Variants in PCDHGA11 observed in about 807,000 individuals in gnomAD.
PCDHGA11 encodes the protein protocadherin gamma subfamily A, 11, also known as protocadherin gamma-A11.
In PCDHGA11, 39 loss-of-function variants were observed where a neutral mutation model predicts 60.4. The ratio of observed to expected loss-of-function variants is 0.65; its 90% confidence interval spans 0.50 to 0.84. The LOEUF (loss-of-function observed/expected upper bound fraction) is 0.84, where lower values mean the gene tolerates loss of function less well. Among genes scored for constraint, PCDHGA11 ranks in the 40% least tolerant of loss-of-function variants. The probability of loss-of-function intolerance (pLI) is 0.00; values close to 1 mark genes in which losing one functional copy is unlikely to be tolerated. For synonymous variants in PCDHGA11, 533 were observed against 510.3 expected (o/e 1.04, Z -0.60); for missense variants, 1,165 against 1,197.7 (o/e 0.97, Z 0.40).
chr5:141,431,776 C>T lies in PCDHGA11; in HGVS notation c.2433+8116C>T. 6.2e-7 allele frequency: 1 copy of T among 1,614,228 alleles called. No individual in the cohort carries two copies. The stretch of plus-strand genomic sequence containing the variant: ...CCAAAGTCCTGATCACTGTTCTGGA[C>T]GTGAACGACAATGCCCCAGAAGTGG... On this transcript the variant is annotated intron_variant, in intron 1 of 3. Coordinates refer to ENST00000398587, the MANE Select transcript of PCDHGA11 (RefSeq NM_018914.3). The surrounding 1 kb of genome is among the most constrained non-coding windows in gnomAD (Gnocchi z 4.8).
At position 141,423,119 on chromosome 5, in the gene PCDHGA11, G is replaced by A. The variant is rs769320490; in HGVS notation, c.1892G>A (p.Arg631Gln). ...CACACGGGCGAGGTGCGTACAGCGCGGGCACTGCTGGACAGAGACGCGCTC... is the reference window on the plus strand; with the variant it reads ...CACACGGGCGAGGTGCGTACAGCGCAGGCACTGCTGGACAGAGACGCGCTC... ...GEHTGEVRTARALLDRDALKQ... is the reference protein window; with the variant it reads ...GEHTGEVRTAQALLDRDALKQ... The change falls in exon 1 of 4, where the codon CGG becomes CAG. Residue 631 changes from arginine (R) to glutamine (Q), a missense_variant. Transcript: ENST00000398587. 1 of 1,613,774 alleles carries A rather than the reference G, an allele frequency of 6.2e-7. No homozygotes were observed. Among genetic ancestry groups the A allele is most frequent in the South Asian group, 1.1e-5 (1 of 91,058 alleles).
At chr5:141,469,249 C>T (rs1025813940) in intron 1 of PCDHGA11, among the ~76,000 whole-genome samples, 1 of 152,026 alleles carries the variant, frequency 6.6e-6, no homozygotes, top group Non-Finnish European at 1.5e-5. Flanking sequence ...TGCACTCCAG[C>T]TTGGGCAACA....
Position 141,491,382 on chromosome 5 carries a change from G to T in PCDHGA11, c.2434-3425G>T, listed in dbSNP as rs918558. 0.21 allele frequency: 331,798 copies of T among 1,613,774 alleles called. 36,318 individuals are homozygous for T. The highest frequency in any genetic ancestry group is 0.37 in the Admixed American group (22,359 of 60,012). ...TAGTCACCTTCACCTTTCTGTCAGC[G>T]AAGTGCCTTCAGGGAAACGCAGACG... is the stretch of plus-strand genomic sequence containing the variant. On this transcript the variant is annotated intron_variant, in intron 1 of 3. Transcript: ENST00000398587. This position sits in a 1 kb window ranked among gnomAD's most constrained non-coding sequence, Gnocchi z 6.9.
chr5:141,488,450 C>T (rs2154581002), intron 1 of PCDHGA11, among the ~76,000 whole-genome samples: 1 of 152,314 alleles, frequency 6.6e-6, no homozygotes, highest in East Asian at 1.9e-4. Context: ...TCCTGGGTGA[C>T]CTGATTCAGC....
chr5:141,473,798 T>C lies in PCDHGA11; in HGVS notation c.2434-21009T>C, dbSNP rs1202883137. 2.6e-5 allele frequency among the ~76,000 whole-genome samples: 4 copies of C among 152,350 alleles called. 1 individual carries two copies. The highest frequency in any genetic ancestry group is 6.8e-3 in the Middle Eastern group (2 of 294). On this transcript the variant is annotated intron_variant, in intron 1 of 3. Transcript: ENST00000398587. ...TTTTAATTCAAGAGCAGTATGATGCTACTGAGGAGCAGCTGGACAATTGTG... is the reference window on the plus strand; with the variant it reads ...TTTTAATTCAAGAGCAGTATGATGCCACTGAGGAGCAGCTGGACAATTGTG...
At chr5:141,488,834 G>A (rs976460724) in intron 1 of PCDHGA11, among the ~76,000 whole-genome samples, 1 of 152,160 alleles carries the variant, frequency 6.6e-6, no homozygotes, top group Admixed American at 6.5e-5. Context: ...GCTGCCAAGG[G>A]GGCTGAATCA....
intron 1 of PCDHGA11, chr5:141,441,726 C>A: frequency 2.8e-6 from 1 of 353,524 alleles, no homozygotes; most frequent in Non-Finnish European, 5.6e-6. Flanking sequence ...GGCCCGCGAC[C>A]AGGACTAGCT....
chr5:141,426,589 T>G (rs2096945227), intron 1 of PCDHGA11: 1 of 369,180 alleles, frequency 2.7e-6, no homozygotes, highest in South Asian at 2.0e-5. Context: ...ATCCTCTGTG[T>G]CATACCCTTA....
rs2099624335 is a variant in PCDHGA11 at position 141,486,093 on chromosome 5, C to T, written c.2434-8714C>T. On this transcript the variant is annotated intron_variant, in intron 1 of 3. Coordinates refer to ENST00000398587, the MANE Select transcript of PCDHGA11 (RefSeq NM_018914.3). This position sits in a 1 kb window ranked among gnomAD's most constrained non-coding sequence, Gnocchi z 5.0. ...ACTGGAAAGCTTACTCTTTTGGGGC[C>T]CCTAGACTTTGAGAGTGAGAATTAC... 1 of 1,614,112 alleles carries T rather than the reference C, an allele frequency of 6.2e-7. No homozygotes were observed. The highest frequency in any genetic ancestry group is 8.5e-7 in the Non-Finnish European group (1 of 1,180,008).
In PCDHGA11 at chr5:141,510,932, CCT is replaced by C. The variant is rs753455267; in HGVS notation, c.2582-12_2582-11del. 6 of 1,613,998 alleles carry C rather than the reference CCT, an allele frequency of 3.7e-6. No homozygotes were observed. The highest frequency in any genetic ancestry group is 1.1e-5 in the South Asian group (1 of 91,082). ...CTAAGTTTAGCTCCCACCTGATCTTCCTCTGTCTCTGCAGAAGCTGCTGATGG... is the reference window on the plus strand; with the variant it reads ...CTAAGTTTAGCTCCCACCTGATCTTCCTGTCTCTGCAGAAGCTGCTGATGG... On this transcript the variant is annotated splice_polypyrimidine_tract_variant and intron_variant, in intron 3 of 3. Coordinates refer to ENST00000398587, the MANE Select transcript of PCDHGA11 (RefSeq NM_018914.3).
intron 1 of PCDHGA11, among the ~76,000 whole-genome samples, chr5:141,472,346 C>G (rs1393301393): frequency 6.6e-6 from 1 of 151,722 alleles, no homozygotes; most frequent in Non-Finnish European, 1.5e-5. Flanking sequence ...TCGAGACCAT[C>G]CTGGCTAACA....
At chr5:141,497,478 C>A (rs974494984) in intron 2 of PCDHGA11, among the ~76,000 whole-genome samples, 1 of 150,954 alleles carries the variant, frequency 6.6e-6, no homozygotes, top group African/African-American at 2.4e-5. Flanking sequence ...GGAGAAGGTG[C>A]GGAACCTCTC....
At position 141,489,852 on chromosome 5, in the gene PCDHGA11, C is replaced by G. The variant is rs1197191101; in HGVS notation, c.2434-4955C>G. ...TAGAGCAGCAGCTGGATCGTGAAGC[C>G]CAGGCAAGACATCAGCTGGTGCTTA... On this transcript the variant is annotated intron_variant, in intron 1 of 3. Transcript: ENST00000398587. This position sits in a 1 kb window ranked among gnomAD's most constrained non-coding sequence, Gnocchi z 4.5. The G allele has an allele frequency of 6.2e-7, 1 of 1,614,034 alleles. No homozygotes were observed. Among genetic ancestry groups the G allele is most frequent in the Admixed American group, 1.7e-5 (1 of 60,004 alleles).
chr5:141,438,659 T>C (rs1290256383), intron 1 of PCDHGA11, among the ~76,000 whole-genome samples: 1 of 141,194 alleles, frequency 7.1e-6, no homozygotes, highest in East Asian at 2.1e-4. Flanking sequence ...CACATATATG[T>C]ATATATATAT....
chr5:141,505,252 C>T (rs2099844831), intron 2 of PCDHGA11, 141 bp from the exon 3 acceptor site: 1 of 1,454,140 alleles, frequency 6.9e-7, no homozygotes, highest in Non-Finnish European at 9.2e-7. Context: ...TGTAGAAGTG[C>T]CTCCTACCTT....
intron 1 of PCDHGA11, among the ~76,000 whole-genome samples, chr5:141,480,873 C>A (rs1026513782): frequency 6.6e-6 from 1 of 152,168 alleles, no homozygotes; most frequent in East Asian, 1.9e-4. Context: ...GGTGAAACCC[C>A]GTCTCTACTA....
At chr5:141,441,246 C>G (rs2098234855) in intron 1 of PCDHGA11, 1 of 152,136 alleles carries the variant, frequency 6.6e-6, no homozygotes, top group Non-Finnish European at 1.5e-5. Flanking sequence ...ATCACAAGAT[C>G]TTTAAATCAC....
At position 141,422,556 on chromosome 5, in the gene PCDHGA11, G is replaced by A; in HGVS notation, c.1329G>A (p.Val443=). The A allele has an allele frequency of 6.2e-7, 1 of 1,613,908 alleles. No individual in the cohort carries two copies. Among genetic ancestry groups the A allele is most frequent in the Non-Finnish European group, 8.5e-7 (1 of 1,179,886 alleles). ...CAGAAACTCATGTCTGGCTGAATGTGGCAGATGACAACGATAACCCTCCCG... is the reference window on the plus strand; with the variant it reads ...CAGAAACTCATGTCTGGCTGAATGTAGCAGATGACAACGATAACCCTCCCG... ...LSAETHVWLN[V]ADDNDNPPVF... The change falls in exon 1 of 4, where the codon GTG becomes GTA. Residue 443 remains valine, a synonymous_variant. Coordinates refer to ENST00000398587, the MANE Select transcript of PCDHGA11 (RefSeq NM_018914.3).
At chr5:141,459,632 A>G (rs1202000974) in intron 1 of PCDHGA11, among the ~76,000 whole-genome samples, 1 of 152,214 alleles carries the variant, frequency 6.6e-6, no homozygotes, top group East Asian at 1.9e-4. Flanking sequence ...AAGCTGCCAA[A>G]CTATTTTTCA....
Sources: allele counts gnomAD v4.1 joint callset (sites outside exome capture counted in the v4.1 genomes callset), GRCh38; gene constraint gnomAD v4.1.1; non-coding constraint Gnocchi (gnomAD v3.1); transcripts MANE v1.5; gene names NCBI Gene and HGNC (gene_info 2026-07-23, HGNC 2026-07-21).